ZNF283: variants seen among roughly 807,000 people sequenced by gnomAD.
ZNF283 encodes zinc finger protein 283, also known as zinc finger protein 41.
A neutral mutation model predicts 9.2 loss-of-function variants in ZNF283; 10 were observed. The ratio of observed to expected loss-of-function variants is 1.09; its 90% CI spans 0.67 to 1.85. ZNF283 has a LOEUF of 1.85. Among genes scored for constraint, ZNF283 ranks in the 40% most tolerant of loss-of-function variants. The probability of loss-of-function intolerance (pLI) is 0.00; values close to 1 mark genes in which losing one functional copy is unlikely to be tolerated. For synonymous variants in ZNF283, 234 were observed against 244.1 expected (o/e 0.96, Z 0.38); for missense variants, 631 against 760.1 (o/e 0.83, Z 2.00).
Position 43,847,600 on chromosome 19 carries a change from C to G in ZNF283, c.999C>G (p.Ser333Arg). The G allele has an allele frequency of 6.2e-7, 1 of 1,609,972 alleles. No individual in the cohort carries two copies. Among genetic ancestry groups the G allele is most frequent in the South Asian group, 1.1e-5 (1 of 90,842 alleles). Residue 333 changes from serine to arginine, a missense_variant, in exon 7 of 7, where the codon AGC becomes AGG. Around this residue, in one of 3 missense-constraint regions of ZNF283, gnomAD observed 444 missense variants for 522.5 expected, o/e 0.85. Coordinates refer to ENST00000618787, the MANE Select transcript of ZNF283 (RefSeq NM_181845.2). ...GGAAGGCCTTTTTTTGGGGCTCAAGCCTTGCTAAACATGAGATAATTCATA... is the reference window on the plus strand; with the variant it reads ...GGAAGGCCTTTTTTTGGGGCTCAAGGCTTGCTAAACATGAGATAATTCATA... ...ECGKAFFWGS[S>R]LAKHEIIHTG...
Position 43,847,733 on chromosome 19 carries a change from A to C in ZNF283, c.1132A>C (p.Lys378Gln). The C allele has an allele frequency of 6.2e-7, 1 of 1,613,732 alleles. No individual in the cohort carries two copies. Among genetic ancestry groups the C allele is most frequent in the South Asian group, 1.1e-5 (1 of 91,054 alleles). Residue 378 changes from lysine to glutamine, a missense_variant, in exon 7 of 7, where the codon AAA (lysine) becomes CAA (glutamine). Transcript: ENST00000618787. ...TACTGGTAAGAAACCTTATGAATGT[A>C]AAATATGTGGAAAGGCTTTTTGTTG... ...IHTGKKPYEC[K>Q]ICGKAFCWGY... is the part of the protein sequence containing the mutation.
In ZNF283 at chr19:43,848,787, A is replaced by G. The variant is rs1971532712; in HGVS notation, c.*146A>G. 3 of 704,818 alleles carry G rather than the reference A, an allele frequency of 4.3e-6. No homozygotes were observed. The highest frequency in any genetic ancestry group is 6.7e-5 in the South Asian group (2 of 29,940). The allele number at this position is 704,818 out of a possible 1,614,324, so 43.7% of individuals were successfully genotyped here. On this transcript the variant is annotated 3_prime_UTR_variant, in exon 7 of 7. Coordinates refer to ENST00000618787, the MANE Select transcript of ZNF283 (RefSeq NM_181845.2). ...TGGGCAATTATCTTGCTATCCAGCA[A>G]TTCATACTAGTGAGAAATATTTTGA...
At position 43,847,055 on chromosome 19, in the gene ZNF283, T is replaced by A; in HGVS notation, c.454T>A (p.Ser152Thr). ...DKSKTLGLEA[S>T]IFRNNWKCKS... ...AAGTAAAACCCTTGGCCTTGAGGCA[T>A]CCATCTTCAGAAATAATTGGAAGTG... is the stretch of plus-strand genomic sequence containing the variant. Residue 152 changes from serine to threonine, a missense_variant, in exon 7 of 7, where the codon TCC becomes ACC. Physicochemically the swap from Ser to Thr is moderately conservative, Grantham distance 58. Coordinates refer to ENST00000618787, the MANE Select transcript of ZNF283 (RefSeq NM_181845.2). The A allele has an allele frequency of 6.2e-7, 1 of 1,612,582 alleles. No individual in the cohort carries two copies. The highest frequency in any genetic ancestry group is 1.1e-5 in the South Asian group (1 of 90,784).
chr19:43,845,475 A>T (rs939291420), intron 6 of ZNF283, among the ~76,000 whole-genome samples: 7 of 152,184 alleles, frequency 4.6e-5, no homozygotes, highest in African/African-American at 1.7e-4. Flanking sequence ...CTAATTAATC[A>T]GAACATCAAC....
intron 2 of ZNF283, among the ~76,000 whole-genome samples, chr19:43,830,901 TAAAAAAAAAAAA>T (rs367850643): frequency 2.7e-5 from 2 of 73,832 alleles, no homozygotes; most frequent in Non-Finnish European, 2.4e-5. Flanking sequence ...AGACTCCATC[TAAAAAAAAAAAA>T]AAAAAAAAAA....
rs565405706 is a variant in ZNF283, at chr19:43,831,301, T to C, written c.-64-17T>C. The C allele has an allele frequency of 4.6e-5, 73 of 1,574,160 alleles. No homozygotes were observed. Among genetic ancestry groups the C allele is most frequent in the Admixed American group, 1.0e-4 (6 of 58,426 alleles). On this transcript the variant is annotated splice_polypyrimidine_tract_variant and intron_variant, in intron 2 of 6. Transcript: ENST00000618787. The stretch of plus-strand genomic sequence containing the variant: ...CAGACTTTGAAGGTGGTTTATCTCA[T>C]TTGTGTTGATTTACAGGAGAATCTT...
At position 43,849,322 on chromosome 19, in the gene ZNF283, C is replaced by T. The variant is rs1320900689; in HGVS notation, c.*681C>T. The T allele has an allele frequency of 6.6e-6, 1 of 152,064 alleles. No individual in the cohort carries two copies. Among genetic ancestry groups the T allele is most frequent in the Non-Finnish European group, 1.5e-5 (1 of 67,984 alleles). 9.4% of individuals were successfully genotyped at this position (152,064 alleles called of 1,614,324 possible). A position where few individuals can be genotyped will look rare whatever the true frequency, so the allele number is the denominator to read the frequency against. ...ATTCTGTTTTACAAAATTATCAGTC[C>T]ATAAATGATTGAGAATTGAAAACAA... On this transcript the variant is annotated 3_prime_UTR_variant, in exon 7 of 7. Transcript: ENST00000618787.
intron 6 of ZNF283, 62 bp from the exon 7 acceptor site, chr19:43,846,877 G>GTTTTTTTT: frequency 1.2e-6 from 1 of 812,580 alleles, no homozygotes; most frequent in Non-Finnish European, 1.6e-6. Flanking sequence ...TTCTACTGTA[G>GTTTTTTTT]TTTTTTTTTT....
Position 43,848,159 on chromosome 19 carries a change from T to C in ZNF283, c.1558T>C (p.Cys520Arg). Residue 520 changes from cysteine (C) to arginine (R), a missense_variant, in exon 7 of 7, where the codon TGT (cysteine) becomes CGT (arginine). Around this residue, in one of 3 missense-constraint regions of ZNF283, gnomAD observed 444 missense variants for 522.5 expected, o/e 0.85. Transcript: ENST00000618787. Reference sequence around the variant, plus strand: ...TGAGAAACCCTATGAATGTAAGGAATGTGGGAAGGCTTTTAATTGTGGATC... The same window carrying C: ...TGAGAAACCCTATGAATGTAAGGAACGTGGGAAGGCTTTTAATTGTGGATC... ...TGEKPYECKE[C>R]GKAFNCGSSL... 1.2e-6 allele frequency: 2 copies of C among 1,614,062 alleles called. No homozygotes were observed. Among genetic ancestry groups the C allele is most frequent in the Non-Finnish European group, 1.7e-6 (2 of 1,179,962 alleles).
At chr19:43,845,947 T>C (rs927380690) in intron 6 of ZNF283, among the ~76,000 whole-genome samples, 6 of 152,150 alleles carry the variant, frequency 3.9e-5, no homozygotes, top group Admixed American at 6.5e-5. Flanking sequence ...GTGTATCACA[T>C]TGATTTTTGA....
At chr19:43,834,613 C>T (rs1970875663) in intron 4 of ZNF283, among the ~76,000 whole-genome samples, 1 of 150,442 alleles carries the variant, frequency 6.6e-6, no homozygotes. Context: ...TTATTTTTTT[C>T]GAGATGGAGT....
chr19:43,847,038 C>T lies in ZNF283; in HGVS notation c.437C>T (p.Thr146Ile). Residue 146 changes from threonine (T) to isoleucine (I), a missense_variant, in exon 7 of 7, where the codon ACC becomes ATC. Coordinates refer to ENST00000618787, the MANE Select transcript of ZNF283 (RefSeq NM_181845.2). ...TGGGAGATGAAGGACAAAAGTAAAA[C>T]CCTTGGCCTTGAGGCATCCATCTTC... ...SQWEMKDKSK[T>I]LGLEASIFRN... The T allele has an allele frequency of 6.2e-7, 1 of 1,611,176 alleles. No homozygotes were observed. Among genetic ancestry groups the T allele is most frequent in the African/African-American group, 1.3e-5 (1 of 74,920 alleles).
intron 2 of ZNF283, among the ~76,000 whole-genome samples, chr19:43,830,763 C>T (rs1014514335): frequency 3.3e-5 from 5 of 151,620 alleles, no homozygotes; most frequent in African/African-American, 7.3e-5. Flanking sequence ...ATTAGCCGGG[C>T]GTGGTGGCGT....
At position 43,840,418 on chromosome 19, in the gene ZNF283, C is replaced by T. The variant is rs192141536; in HGVS notation, c.337+3239C>T. On this transcript the variant is annotated intron_variant, in intron 6 of 6. Transcript: ENST00000618787. Reference sequence around the variant, plus strand: ...TCACGCTGCCCACCCAGGTCCCAACCGGCTGTTCCAGGAATACAGGCTGCT... The same window carrying T: ...TCACGCTGCCCACCCAGGTCCCAACTGGCTGTTCCAGGAATACAGGCTGCT... Among the ~76,000 whole-genome samples, 763 of 152,238 alleles carry T rather than the reference C, an allele frequency of 5.0e-3. 12 individuals carry two copies. In the South Asian group the frequency reaches 0.061, roughly 12 times the overall value.
At chr19:43,831,523 T>C (rs1186376707) in intron 3 of ZNF283, 142 bp downstream of exon 3, 1 of 735,614 alleles carries the variant, frequency 1.4e-6, no homozygotes, top group African/African-American at 1.8e-5. Context: ...ATGGAATTAA[T>C]GCAGGCTTGG....
chr19:43,847,680 A>G lies in ZNF283; in HGVS notation c.1079A>G (p.Tyr360Cys), dbSNP rs1971464276. ...TGTGGGAAGGCCTTCAGTCGTGGCT[A>G]TCAGCTTACTCAGCATCAGAAAATC... Reference protein sequence around the residue: ...KECGKAFSRGYQLTQHQKIHT... With the variant: ...KECGKAFSRGCQLTQHQKIHT... Residue 360 changes from tyrosine to cysteine, a missense_variant, in exon 7 of 7, where the codon TAT becomes TGT. Around this residue, in one of 3 missense-constraint regions of ZNF283, gnomAD observed 444 missense variants for 522.5 expected, o/e 0.85. Coordinates refer to ENST00000618787, the MANE Select transcript of ZNF283 (RefSeq NM_181845.2). 6 of 1,613,220 alleles carry G rather than the reference A, an allele frequency of 3.7e-6. No homozygotes were observed. The highest frequency in any genetic ancestry group is 2.2e-5 in the South Asian group (2 of 91,046).
In ZNF283 at chr19:43,838,808, C is replaced by T. The variant is rs568501219; in HGVS notation, c.337+1629C>T. ...ATGATATGGCTTTTTGGCACATCTC[C>T]GTCACTCTTTGAGTACCTCCTGGTT... On this transcript the variant is annotated intron_variant, in intron 6 of 6. Transcript: ENST00000618787. Among the ~76,000 whole-genome samples, 8 of 152,228 alleles carry T rather than the reference C, an allele frequency of 5.3e-5. No homozygotes were observed. In the South Asian group the frequency reaches 6.2e-4, roughly 12 times the overall value.
chr19:43,832,732 G>A (rs562339506), intron 3 of ZNF283, among the ~76,000 whole-genome samples: 1 of 152,206 alleles, frequency 6.6e-6, no homozygotes, highest in Admixed American at 6.5e-5. Context: ...TGATGAAAAT[G>A]TGGCCAAGCC....
At chr19:43,831,870 C>G (rs60681415) in intron 3 of ZNF283, among the ~76,000 whole-genome samples, 90 of 152,304 alleles carry the variant, frequency 5.9e-4, no homozygotes, top group African/African-American at 2.1e-3. Flanking sequence ...CTCAAGCAAT[C>G]CGCCTCCTTT....
Sources: gnomAD v4.1 joint callset for allele counts (sites outside exome capture counted in the v4.1 genomes callset) on GRCh38, gnomAD v4.1.1 for gene constraint, gnomAD v4.1.1 regional missense constraint, MANE v1.5 for transcripts, NCBI Gene and HGNC (gene_info 2026-07-23, HGNC 2026-07-21) for gene names.